MAP3K1: variants seen among roughly 807,000 people sequenced by gnomAD.
MAP3K1 encodes the protein mitogen-activated protein kinase kinase kinase 1, also known as MAP/ERK kinase kinase 1.
In MAP3K1, 36 loss-of-function variants were observed where a neutral mutation model predicts 144.2. That is an observed-to-expected ratio of 0.25 (90% CI 0.19 to 0.33). The LOEUF (loss-of-function observed/expected upper bound fraction) is 0.33, where lower values mean the gene tolerates loss of function less well. MAP3K1 is among the 10% of genes least tolerant of loss of function. MAP3K1 has a pLI of 1.00. For missense variants in MAP3K1, 1,650 were observed against 1,881.9 expected (o/e 0.88, Z 2.28); for synonymous variants, 718 against 688.7 (o/e 1.04, Z -0.67).
At chr5:56,846,744 C>G (rs1437187835) in intron 1 of MAP3K1, among the ~76,000 whole-genome samples, 1 of 152,174 alleles carries the variant, frequency 6.6e-6, no homozygotes, top group African/African-American at 2.4e-5. Flanking sequence ...TTGACGTTTT[C>G]TTGACCTGTC....
At chr5:56,844,607 C>T (rs924055226) in intron 1 of MAP3K1, among the ~76,000 whole-genome samples, 1 of 152,074 alleles carries the variant, frequency 6.6e-6, no homozygotes, top group Non-Finnish European at 1.5e-5. Context: ...TTTCAGGACT[C>T]TCCTAGATAA....
At chr5:56,845,331 C>T (rs1746956369) in intron 1 of MAP3K1, among the ~76,000 whole-genome samples, 1 of 152,192 alleles carries the variant, frequency 6.6e-6, no homozygotes, top group East Asian at 1.9e-4. Flanking sequence ...AAAACATACA[C>T]TGCAGCCTTC....
Position 56,872,022 on chromosome 5 carries a change from A to G in MAP3K1, c.1414A>G (p.Met472Val). ...GCRNKLHHHC[M>V]SIWAEECRRN... Reference sequence around the variant, plus strand: ...CAGGAACAAGCTGCACCACCACTGCATGTCAATTTGTATGTGGCTCTTTTT... The same window carrying G: ...CAGGAACAAGCTGCACCACCACTGCGTGTCAATTTGTATGTGGCTCTTTTT... The change falls in exon 7 of 20, where the codon ATG becomes GTG. Residue 472 changes from methionine to valine, a missense_variant. Physicochemically the swap from Met to Val is conservative, Grantham distance 21. This residue lies in a region of MAP3K1 where 125 missense variants were observed against 179.9 expected (regional missense o/e 0.69). Transcript: ENST00000399503. 2 of 1,614,066 alleles carry G rather than the reference A, an allele frequency of 1.2e-6. No homozygotes were observed. The highest frequency in any genetic ancestry group is 8.5e-7 in the Non-Finnish European group (1 of 1,179,926).
chr5:56,886,719 T>C (rs1748388144), intron 17 of MAP3K1, among the ~76,000 whole-genome samples: 2 of 152,296 alleles, frequency 1.3e-5, no homozygotes, highest in South Asian at 4.1e-4. Context: ...TCAACTTCTT[T>C]TAAGAAAAAT....
intron 10 of MAP3K1, among the ~76,000 whole-genome samples, chr5:56,877,690 C>G (rs1178141481): frequency 1.3e-5 from 2 of 152,148 alleles, no homozygotes; most frequent in Admixed American, 1.3e-4. Context: ...ATACTCAAAT[C>G]TCTTCAGTTG....
chr5:56,856,834 CT>C, intron 2 of MAP3K1, 84 bp downstream of exon 2: 3 of 1,387,360 alleles, frequency 2.2e-6, no homozygotes, highest in Non-Finnish European at 3.0e-6. Context: ...CTCTTGTAAG[CT>C]TTTCTTCTTC....
intron 1 of MAP3K1, among the ~76,000 whole-genome samples, chr5:56,835,651 A>T (rs1445421580): frequency 6.6e-6 from 1 of 151,776 alleles, no homozygotes; most frequent in Non-Finnish European, 1.5e-5. Context: ...GAGATGGGAG[A>T]GAAATAGAAG....
chr5:56,848,798 T>C (rs546045155), intron 1 of MAP3K1, among the ~76,000 whole-genome samples: 8 of 152,334 alleles, frequency 5.3e-5, no homozygotes, highest in Admixed American at 2.6e-4. Flanking sequence ...GAATATGTTA[T>C]CAATATGAGT....
intron 1 of MAP3K1, among the ~76,000 whole-genome samples, chr5:56,833,303 T>C (rs959026854): frequency 5.9e-5 from 9 of 152,256 alleles, no homozygotes; most frequent in African/African-American, 2.2e-4. Flanking sequence ...TGAACTTTGT[T>C]AATACATACA....
At chr5:56,816,971 G>A (rs1040396129) in intron 1 of MAP3K1, 5 of 597,794 alleles carry the variant, frequency 8.4e-6, no homozygotes, top group Non-Finnish European at 2.1e-6. Flanking sequence ...CAGCCCCTCC[G>A]GCTTGGCCCG....
chr5:56,865,435 A>G lies in MAP3K1; in HGVS notation c.1131A>G (p.Arg377=), dbSNP rs55818365. 140 of 1,595,844 alleles carry G rather than the reference A, an allele frequency of 8.8e-5. No individual in the cohort carries two copies. The East Asian group carries it at 2.6e-3, about 30-fold the overall frequency. The change falls in exon 5 of 20, where the codon AGA becomes AGG. Residue 377 remains arginine (R), a synonymous_variant. Transcript: ENST00000399503. ...AACCTTCAGACCCAATGTTATGGAG[A>G]AAAACTTTAAAGAATTTTGAGGTAG... ...QLEPSDPMLW[R]KTLKNFEVES...
chr5:56,882,547 T>C lies in MAP3K1; in HGVS notation c.3347T>C (p.Val1116Ala), dbSNP rs142473205. 2.5e-6 allele frequency: 4 copies of C among 1,614,010 alleles called. No individual in the cohort carries two copies. In the African/African-American group the frequency reaches 5.3e-5, roughly 22 times the overall value. The change falls in exon 14 of 20, where the codon GTA (valine) becomes GCA (alanine). Residue 1116 changes from valine to alanine, a missense_variant. Around this residue, in one of 6 missense-constraint regions of MAP3K1, gnomAD observed 841 missense variants for 886.5 expected, o/e 0.95. Coordinates refer to ENST00000399503, the MANE Select transcript of MAP3K1 (RefSeq NM_005921.2). The stretch of plus-strand genomic sequence containing the variant: ...AGTGACGAGACAGTGTTCACCCCAG[T>C]AGAGGAGAAATGCAGATTAGATGTC... ...IPSDETVFTP[V>A]EEKCRLDVNT...
intron 1 of MAP3K1, among the ~76,000 whole-genome samples, chr5:56,837,467 C>T (rs1310085072): frequency 6.6e-6 from 1 of 152,020 alleles, no homozygotes; most frequent in African/African-American, 2.4e-5. Flanking sequence ...TCTGCAGTGC[C>T]CCAGGACTAA....
At chr5:56,851,003 A>G (rs534804832) in intron 1 of MAP3K1, among the ~76,000 whole-genome samples, 7 of 152,186 alleles carry the variant, frequency 4.6e-5, no homozygotes, top group Admixed American at 2.0e-4. Flanking sequence ...CTGGAGTGCA[A>G]TGGCGCAATC....
In MAP3K1 at chr5:56,856,736, A is replaced by C; in HGVS notation, c.619A>C (p.Arg207=). The stretch of plus-strand genomic sequence containing the variant: ...GCACGAATGGTTGGAAAGGAGAAAT[A>C]GGCGAGGGCCTGTGGTAAGTGGCTA... The part of the protein sequence containing the change: ...WKHEWLERRN[R]RGPVVVKPIP... Residue 207 remains arginine (R), a synonymous_variant, in exon 2 of 20, where the codon AGG becomes CGG. Transcript: ENST00000399503. 3.7e-6 allele frequency: 6 copies of C among 1,613,966 alleles called. No individual in the cohort carries two copies. Among genetic ancestry groups the C allele is most frequent in the Non-Finnish European group, 5.1e-6 (6 of 1,179,832 alleles).
chr5:56,865,956 C>G lies in MAP3K1; in HGVS notation c.1280C>G (p.Ser427Cys). ...NSHTLSSSSTSTSSSENSIKD... is the reference protein window; with the variant it reads ...NSHTLSSSSTCTSSSENSIKD... ...CATACATTGTCATCATCTAGTACTT[C>G]TACGTCTAGTTCAGAAAACAGGTTA... is the stretch of plus-strand genomic sequence containing the variant. The change falls in exon 6 of 20, where the codon TCT (serine) becomes TGT (cysteine). Residue 427 changes from serine (S) to cysteine (C), a missense_variant. Around this residue, in one of 6 missense-constraint regions of MAP3K1, gnomAD observed 125 missense variants for 179.9 expected, o/e 0.69. Transcript: ENST00000399503. The G allele has an allele frequency of 6.2e-7, 1 of 1,611,418 alleles. No individual in the cohort carries two copies. The highest frequency in any genetic ancestry group is 1.3e-5 in the African/African-American group (1 of 74,990).
Position 56,894,464 on chromosome 5 carries a change from A to G in MAP3K1, c.*784A>G. 1 of 232,520 alleles carries G rather than the reference A, an allele frequency of 4.3e-6. No homozygotes were observed. The highest frequency in any genetic ancestry group is 6.1e-5 in the East Asian group (1 of 16,432). The allele number at this position is 232,520 out of a possible 1,614,324, so 14.4% of individuals were successfully genotyped here. On this transcript the variant is annotated 3_prime_UTR_variant, in exon 20 of 20. Transcript: ENST00000399503. ...TATAGACTTAATTTTGTTTTTTTAAATTGGAATACAATAAAGTACTACCTA... is the reference window on the plus strand; with the variant it reads ...TATAGACTTAATTTTGTTTTTTTAAGTTGGAATACAATAAAGTACTACCTA...
chr5:56,839,820 T>A (rs190993434), intron 1 of MAP3K1, among the ~76,000 whole-genome samples: 3 of 152,316 alleles, frequency 2.0e-5, no homozygotes, highest in Admixed American at 2.0e-4. Flanking sequence ...TACCCAGGGC[T>A]AGTTCAAGTC....
rs549103628 is a variant in MAP3K1, at chr5:56,895,007, A to G, written c.*1327A>G. On this transcript the variant is annotated 3_prime_UTR_variant, in exon 20 of 20. Coordinates refer to ENST00000399503, the MANE Select transcript of MAP3K1 (RefSeq NM_005921.2). ...TGTGTGTGTGTGAGTCTTTTAAATC[A>G]AGTACTGATTAACTATTAAGTACAA... 1.3e-5 allele frequency: 3 copies of G among 231,892 alleles called. No individual in the cohort carries two copies. In the East Asian group the frequency reaches 1.8e-4, roughly 14 times the overall value. The allele number at this position is 231,892 out of a possible 1,614,324, so 14.4% of individuals were successfully genotyped here.
Sources: allele counts gnomAD v4.1 joint callset (sites outside exome capture counted in the v4.1 genomes callset), GRCh38; gene constraint gnomAD v4.1.1; regional missense constraint gnomAD v4.1.1; transcripts MANE v1.5; gene names NCBI Gene and HGNC (gene_info 2026-07-23, HGNC 2026-07-21).